Variants in CTBP2 observed in about 807,000 individuals in gnomAD.
The protein encoded by CTBP2 is C-terminal-binding protein 2.
Under a neutral mutation model 80.3 loss-of-function variants are expected in CTBP2, and 30 were observed. The observed-to-expected ratio is 0.37, with a 90% CI of 0.28 to 0.51. CTBP2 has a LOEUF of 0.51. Ranked by LOEUF, CTBP2 falls within the 20% of genes least tolerant of loss-of-function variation. CTBP2 has a pLI of 0.93. For synonymous variants in CTBP2, 594 were observed against 587.4 expected (o/e 1.01, Z -0.16); for missense variants, 1,212 against 1,375.3 (o/e 0.88, Z 1.88).
intron 2 of CTBP2, among the ~76,000 whole-genome samples, chr10:125,040,625 C>G (rs923193678): frequency 7.0e-6 from 1 of 143,060 alleles, no homozygotes; most frequent in Non-Finnish European, 1.6e-5. Context: ...CACACACACA[C>G]AGAAAAAGTG....
intron 1 of CTBP2, among the ~76,000 whole-genome samples, chr10:125,154,092 A>G (rs1860493284): frequency 6.6e-6 from 1 of 152,260 alleles, no homozygotes; most frequent in Non-Finnish European, 1.5e-5. Context: ...TTTAGTCATA[A>G]TTAAGGATTT....
At chr10:125,010,351 C>T (rs1246294926) in intron 1 of CTBP2, among the ~76,000 whole-genome samples, 1 of 152,018 alleles carries the variant, frequency 6.6e-6, no homozygotes, top group African/African-American at 2.4e-5. Flanking sequence ...CCCAATGCTG[C>T]GTCCACTTCT....
At chr10:125,106,038 G>A (rs998664461) in intron 2 of CTBP2, among the ~76,000 whole-genome samples, 2 of 152,142 alleles carry the variant, frequency 1.3e-5, no homozygotes, top group Non-Finnish European at 2.9e-5. Context: ...GAAATCAGCC[G>A]CTGACCCGTG....
chr10:125,046,880 A>T (rs1373150763), intron 2 of CTBP2, among the ~76,000 whole-genome samples: 2 of 152,194 alleles, frequency 1.3e-5, no homozygotes, highest in African/African-American at 4.8e-5. Context: ...ACGAAAATAC[A>T]TTTCCTCGTG....
chr10:125,007,984 T>C (rs913089524), intron 1 of CTBP2, among the ~76,000 whole-genome samples: 8 of 151,842 alleles, frequency 5.3e-5, no homozygotes, highest in Non-Finnish European at 1.2e-4. Context: ...TTCACTTTTG[T>C]TGCCCAGGCT....
intron 1 of CTBP2, among the ~76,000 whole-genome samples, chr10:125,015,889 C>A (rs7899799): frequency 6.6e-6 from 1 of 152,206 alleles, no homozygotes; most frequent in African/African-American, 2.4e-5. Flanking sequence ...GGGCTGGCAG[C>A]GTGTCCAGTG....
At chr10:125,152,729 A>T (rs1427600477) in intron 1 of CTBP2, among the ~76,000 whole-genome samples, 6 of 152,152 alleles carry the variant, frequency 3.9e-5, no homozygotes, top group African/African-American at 1.4e-4. Context: ...CCGTAATCTG[A>T]AAGCCCCGAG....
chr10:125,134,495 T>C lies in CTBP2; in HGVS notation c.-205-23402A>G, dbSNP rs191056739. On this transcript the variant is annotated intron_variant, in intron 1 of 10. Coordinates refer to the CTBP2 transcript ENST00000337195. ...GGAGTTCACAGCAAAGTTCTTGTTC[T>C]GAACCCCAGGTAGGGACCATAATCC... is the stretch of plus-strand genomic sequence containing the variant. Among the ~76,000 whole-genome samples the C allele has an allele frequency of 2.3e-3, 355 of 152,294 alleles. 2 individuals carry two copies. The highest frequency in any genetic ancestry group is 8.2e-3 in the African/African-American group (342 of 41,570).
At chr10:124,991,941 C>T (rs1952699021) in intron 8 of CTBP2, among the ~76,000 whole-genome samples, 1 of 148,172 alleles carries the variant, frequency 6.7e-6, no homozygotes, top group African/African-American at 2.4e-5. Flanking sequence ...GAAAATACCA[C>T]AAAAGGAACC....
intron 5 of CTBP2, 100 bp from the exon 8 acceptor site, chr10:124,994,085 C>A: frequency 6.6e-7 from 1 of 1,518,462 alleles, no homozygotes; most frequent in South Asian, 1.2e-5. Flanking sequence ...TTTTGTTGGT[C>A]TGGTGGTTTA....
intron 2 of CTBP2, among the ~76,000 whole-genome samples, chr10:125,098,726 G>GAC (rs1850072963): frequency 8.5e-6 from 1 of 117,878 alleles, no homozygotes. Context: ...GAGAGAGACA[G>GAC]AGAGAGAGAG....
intron 1 of CTBP2, among the ~76,000 whole-genome samples, chr10:125,111,447 A>G (rs2135931856): frequency 6.6e-6 from 1 of 152,348 alleles, no homozygotes; most frequent in East Asian, 1.9e-4. Context: ...AGCAAAAAGT[A>G]TTACCAACTG....
chr10:125,074,518 C>T (rs1845994318), intron 2 of CTBP2, among the ~76,000 whole-genome samples: 1 of 152,146 alleles, frequency 6.6e-6, no homozygotes, highest in Admixed American at 6.6e-5. Flanking sequence ...TCACACCCAG[C>T]AATTTTTGTA....
At chr10:125,021,754 AG>A (rs1301062771) in intron 1 of CTBP2, among the ~76,000 whole-genome samples, 3 of 152,206 alleles carry the variant, frequency 2.0e-5, no homozygotes, top group Non-Finnish European at 4.4e-5. Context: ...CACTGAATGC[AG>A]GGAACACCGG....
At chr10:125,096,484 G>A (rs924095484) in intron 2 of CTBP2, among the ~76,000 whole-genome samples, 8 of 152,054 alleles carry the variant, frequency 5.3e-5, no homozygotes, top group Non-Finnish European at 7.4e-5. Context: ...GGACAACATC[G>A]CTACTCGACT....
chr10:124,990,466 G>T (rs936945217), intron 8 of CTBP2, among the ~76,000 whole-genome samples: 1 of 152,056 alleles, frequency 6.6e-6, no homozygotes, highest in Non-Finnish European at 1.5e-5. Flanking sequence ...TCCAAACACG[G>T]GGCCACTAAT....
chr10:125,052,616 AGGAGG>A (rs1452382545), intron 2 of CTBP2, among the ~76,000 whole-genome samples: 4 of 152,198 alleles, frequency 2.6e-5, no homozygotes, highest in African/African-American at 9.7e-5. Context: ...CGGCCCACAG[AGGAGG>A]GAAGAACCTA....
At chr10:125,115,503 T>G (rs199860231) in intron 1 of CTBP2, among the ~76,000 whole-genome samples, 3 of 152,284 alleles carry the variant, frequency 2.0e-5, no homozygotes, top group African/African-American at 7.2e-5. Context: ...GCCTGTGATT[T>G]GGAGGTAACA....
rs1952020249 is a variant in CTBP2, at chr10:124,985,833, C to T, written c.*3685G>A. ...CTAAATGAATTGTGTGAAATGTGCT[C>T]ACTTGGACTCCATCAACAATGTGCT... is the stretch of plus-strand genomic sequence containing the variant. On this transcript the variant is annotated 3_prime_UTR_variant, in exon 9 of 9. Transcript: ENST00000309035. 1 of 152,178 alleles carries T rather than the reference C, an allele frequency of 6.6e-6. No individual in the cohort carries two copies. The highest frequency in any genetic ancestry group is 2.4e-5 in the African/African-American group (1 of 41,436). 9.4% of individuals were successfully genotyped at this position (152,178 alleles called of 1,614,324 possible).
Sources: allele counts gnomAD v4.1 joint callset (sites outside exome capture counted in the v4.1 genomes callset), GRCh38; gene constraint gnomAD v4.1.1; transcripts MANE v1.5; gene names NCBI Gene and HGNC (gene_info 2026-07-23, HGNC 2026-07-21).